The following C12orf42 variants were observed in gnomAD, a reference collection of about 807,000 sequenced individuals.
The protein encoded by C12orf42 is chromosome 12 open reading frame 42.
C12orf42 carries 25 observed loss-of-function variants against 21.6 expected under a neutral mutation model. That is an observed-to-expected ratio of 1.16 (90% CI 0.84 to 1.62). C12orf42 has a LOEUF of 1.62. Ranked by LOEUF, C12orf42 falls within the 40% of genes most tolerant of loss-of-function variation. The pLI is 0.00. For missense variants in C12orf42, 483 were observed against 459.3 expected (o/e 1.05, Z -0.47); for synonymous variants, 174 against 175.0 (o/e 0.99, Z 0.05).
the C12orf42 span, among the ~76,000 whole-genome samples, chr12:103,118,799 A>G: frequency 1.7e-3 from 256 of 149,836 alleles, 1 homozygote; most frequent in Non-Finnish European, 1.6e-3. Context: ...AAAAAAAAAA[A>G]AAAAATACTA....
the C12orf42 span, among the ~76,000 whole-genome samples, chr12:103,157,063 A>G: frequency 1.3e-5 from 2 of 152,170 alleles, no homozygotes; most frequent in South Asian, 2.1e-4. Flanking sequence ...GTCTTCCACA[A>G]TAGTTGAGCT....
At chr12:103,097,351 T>C in the C12orf42 span, among the ~76,000 whole-genome samples, 1 of 152,218 alleles carries the variant, frequency 6.6e-6, no homozygotes, top group Non-Finnish European at 1.5e-5. Context: ...AAACATCTGA[T>C]TAAGTAGACA....
At chr12:103,548,174 C>T in the C12orf42 span, among the ~76,000 whole-genome samples, 6 of 152,320 alleles carry the variant, frequency 3.9e-5, no homozygotes, top group South Asian at 6.2e-4. Context: ...AGCTCCCCAA[C>T]GTGGAGGTGC....
At chr12:103,353,288 T>A (rs1397621533) in intron 4 of C12orf42, among the ~76,000 whole-genome samples, 27 of 140,350 alleles carry the variant, frequency 1.9e-4, no homozygotes, top group African/African-American at 5.9e-4. Context: ...TTCCACTGGA[T>A]TAAAAAAAAA....
intron 4 of C12orf42, among the ~76,000 whole-genome samples, chr12:103,312,030 AAACCAGCATTATTTGCTCCTT>A (rs1227134144): frequency 6.6e-6 from 1 of 152,242 alleles, no homozygotes; most frequent in African/African-American, 2.4e-5. Context: ...CTCATTTCAG[AAACCAGCATTATTTGCTCCTT>A]TACAACTTGC....
the C12orf42 span, among the ~76,000 whole-genome samples, chr12:103,102,415 A>C: frequency 1.3e-5 from 2 of 152,318 alleles, no homozygotes; most frequent in South Asian, 4.1e-4. Flanking sequence ...GTGTTAATCT[A>C]GATCTGTCTC....
Position 103,453,862 on chromosome 12 carries a change from C to G in C12orf42, c.78+24487G>C, listed in dbSNP as rs141532562. 1.1e-3 allele frequency among the ~76,000 whole-genome samples: 167 copies of G among 152,194 alleles called. 3 individuals carry two copies. In the East Asian group the frequency reaches 0.029, roughly 27 times the overall value. On this transcript the variant is annotated intron_variant, in intron 2 of 5. Transcript: ENST00000548883. ...CTCTTAAACATATAGCTTCTTTCTT[C>G]TGTCTTGTTCACCACCTTGTCTCTC...
chr12:103,347,736 C>G (rs2042759276), intron 4 of C12orf42, among the ~76,000 whole-genome samples: 1 of 152,078 alleles, frequency 6.6e-6, no homozygotes, highest in Admixed American at 6.6e-5. Context: ...GGTGGGGAGC[C>G]ATCCATAGCC....
the C12orf42 span, among the ~76,000 whole-genome samples, chr12:103,059,089 T>C: frequency 2.0e-5 from 3 of 151,738 alleles, no homozygotes; most frequent in Non-Finnish European, 4.4e-5. Flanking sequence ...ACTAGACTAA[T>C]AAAGAAGAAA....
the C12orf42 span, among the ~76,000 whole-genome samples, chr12:103,054,058 T>C: frequency 1.3e-5 from 2 of 151,918 alleles, no homozygotes; most frequent in African/African-American, 2.4e-5. Flanking sequence ...AAAATCATTT[T>C]AGTTAATTCA....
the C12orf42 span, among the ~76,000 whole-genome samples, chr12:103,059,957 CAT>C: frequency 6.6e-6 from 1 of 152,270 alleles, no homozygotes; most frequent in South Asian, 2.1e-4. Flanking sequence ...TCCTGTTCAA[CAT>C]AGTATTGGAA....
chr12:103,462,095 G>GTTTTTTTTTTTTTTTTTTT (rs1565867930), intron 2 of C12orf42, among the ~76,000 whole-genome samples: 2 of 31,482 alleles, frequency 6.4e-5, no homozygotes, highest in South Asian at 8.8e-4. Context: ...TTTTTTGCTT[G>GTTTTTTTTTTTTTTTTTTT]GTTTTTTTTT....
intron 2 of C12orf42, among the ~76,000 whole-genome samples, chr12:103,458,201 T>G (rs1321069747): frequency 1.3e-5 from 2 of 152,190 alleles, no homozygotes; most frequent in Non-Finnish European, 2.9e-5. Flanking sequence ...GAATCTGCAC[T>G]TTTTAATTAT....
At chr12:103,181,774 GA>G in the C12orf42 span, among the ~76,000 whole-genome samples, 1 of 152,162 alleles carries the variant, frequency 6.6e-6, no homozygotes, top group African/African-American at 2.4e-5. Flanking sequence ...AGCATTTATG[GA>G]GATTGTCTGA....
intron 4 of C12orf42, among the ~76,000 whole-genome samples, chr12:103,309,270 C>T (rs1486449329): frequency 6.6e-6 from 1 of 152,188 alleles, no homozygotes; most frequent in Non-Finnish European, 1.5e-5. Flanking sequence ...AACCCCTCCT[C>T]TTCCTCTTCC....
the C12orf42 span, among the ~76,000 whole-genome samples, chr12:103,201,490 C>T: frequency 0.33 from 50,319 of 151,842 alleles, 9,301 homozygotes; most frequent in South Asian, 0.42. Flanking sequence ...GAAGACAACA[C>T]TTCAAAATGA....
chr12:103,216,545 T>C, the C12orf42 span, among the ~76,000 whole-genome samples: 1 of 151,760 alleles, frequency 6.6e-6, no homozygotes, highest in South Asian at 2.1e-4. Flanking sequence ...GGCTAATTTT[T>C]TTTTGTATTT....
chr12:103,510,464 A>G, the C12orf42 span, among the ~76,000 whole-genome samples: 2 of 152,174 alleles, frequency 1.3e-5, no homozygotes, highest in African/African-American at 4.8e-5. Context: ...TAAAGAACTT[A>G]CTCATGTAAC....
intron 2 of C12orf42, among the ~76,000 whole-genome samples, chr12:103,415,980 G>A (rs2049282800): frequency 6.6e-6 from 1 of 150,814 alleles, no homozygotes; most frequent in Non-Finnish European, 1.5e-5. Context: ...TTTTCAGATG[G>A]GTCTACATGA....
Sources: gnomAD v4.1 joint callset for allele counts (sites outside exome capture counted in the v4.1 genomes callset) on GRCh38, gnomAD v4.1.1 for gene constraint, MANE v1.5 for transcripts, NCBI Gene and HGNC (gene_info 2026-07-23, HGNC 2026-07-21) for gene names.